The following KCNK2 variants were observed in gnomAD, a reference collection of about 807,000 sequenced individuals.
KCNK2 encodes the protein potassium two pore domain channel subfamily K member 2.
A neutral mutation model predicts 40.5 loss-of-function variants in KCNK2; 21 were observed. That is an observed-to-expected ratio of 0.52 (90% confidence interval 0.37 to 0.75). The LOEUF (loss-of-function observed/expected upper bound fraction) is 0.75. KCNK2 is among the 30% of genes least tolerant of loss of function. The pLI is 0.00. For synonymous variants in KCNK2, 191 were observed against 202.2 expected, an observed-to-expected ratio of 0.94 and a Z score of 0.47; for missense variants, 399 against 531.6, an observed-to-expected ratio of 0.75 and a Z score of 2.45.
rs1042633221 is a variant in KCNK2 at position 215,082,855 on chromosome 1, G to A, written c.-531G>A. 6.6e-6 allele frequency among the ~76,000 whole-genome samples: 1 copy of A among 151,978 alleles called. No individual in the cohort carries two copies. Among genetic ancestry groups the A allele is most frequent in the Admixed American group, 6.5e-5 (1 of 15,276 alleles). Reference sequence around the variant, plus strand: ...CCCGCGGGGCACGGAGGGCATTGCGGGGGGAGACACACAAAGACATGCGAA... The same window carrying A: ...CCCGCGGGGCACGGAGGGCATTGCGAGGGGAGACACACAAAGACATGCGAA... On this transcript the variant is annotated 5_prime_UTR_variant, in exon 1 of 7. Transcript: ENST00000444842.
At chr1:215,190,923 A>G (rs1455813265) in intron 5 of KCNK2, among the ~76,000 whole-genome samples, 1 of 151,956 alleles carries the variant, frequency 6.6e-6, no homozygotes. Context: ...ATCAGTGGAA[A>G]TGAGCATATT....
intron 1 of KCNK2, among the ~76,000 whole-genome samples, chr1:215,045,314 C>T (rs913513125): frequency 2.0e-5 from 3 of 151,980 alleles, no homozygotes; most frequent in African/African-American, 7.2e-5. Flanking sequence ...ATAGAATAAC[C>T]GTTGGTAGTC....
chr1:215,053,780 A>G (rs1202009668), intron 1 of KCNK2, among the ~76,000 whole-genome samples: 2 of 152,248 alleles, frequency 1.3e-5, no homozygotes, highest in Admixed American at 6.5e-5. Context: ...CAGCCTGGCC[A>G]ACATGGCAAA....
intron 6 of KCNK2, among the ~76,000 whole-genome samples, chr1:215,223,742 CT>C (rs1180199960): frequency 6.6e-6 from 1 of 152,144 alleles, no homozygotes; most frequent in African/African-American, 2.4e-5. Flanking sequence ...TGTTCGGACA[CT>C]CATCTTTTGG....
At chr1:215,111,395 C>T (rs1261258662) in intron 2 of KCNK2, among the ~76,000 whole-genome samples, 1 of 152,078 alleles carries the variant, frequency 6.6e-6, no homozygotes. Flanking sequence ...TATATTCATT[C>T]ATTTGATGGT....
chr1:215,024,132 G>T (rs1318194356), intron 1 of KCNK2, among the ~76,000 whole-genome samples: 1 of 152,202 alleles, frequency 6.6e-6, no homozygotes, highest in Admixed American at 6.5e-5. Context: ...CAGGTATAGG[G>T]ATCTGAGTGG....
chr1:215,082,009 T>TCTCCCACCCTGCTG (rs1353069826), upstream of KCNK2: 2 of 152,066 alleles, frequency 1.3e-5, no homozygotes, highest in Non-Finnish European at 2.9e-5. Context: ...GAGTCTGAGT[T>TCTCCCACCCTGCTG]CTCCCACCCT....
intron 6 of KCNK2, among the ~76,000 whole-genome samples, chr1:215,213,333 G>A (rs1167842853): frequency 6.6e-6 from 1 of 152,162 alleles, no homozygotes; most frequent in Non-Finnish European, 1.5e-5. Context: ...CCTGGGCTGG[G>A]CGCAGTGGCT....
chr1:215,073,076 A>G (rs887034978), intron 1 of KCNK2, among the ~76,000 whole-genome samples: 9 of 152,176 alleles, frequency 5.9e-5, no homozygotes, highest in African/African-American at 2.2e-4. Flanking sequence ...CAAAGGGAAA[A>G]GGATGTGAAG....
chr1:215,203,899 G>A (rs1665187406), intron 6 of KCNK2, among the ~76,000 whole-genome samples: 1 of 151,820 alleles, frequency 6.6e-6, no homozygotes, highest in Non-Finnish European at 1.5e-5. Context: ...TTAGCCGGGT[G>A]CGGTGGCGGG....
At chr1:215,231,557 A>T (rs866314417) in intron 6 of KCNK2, among the ~76,000 whole-genome samples, 2 of 152,310 alleles carry the variant, frequency 1.3e-5, no homozygotes, top group African/African-American at 4.8e-5. Context: ...AACTGAGGCT[A>T]AAGACATTAA....
At chr1:215,203,133 A>AG (rs1441000297) in intron 6 of KCNK2, among the ~76,000 whole-genome samples, 1 of 152,150 alleles carries the variant, frequency 6.6e-6, no homozygotes, top group African/African-American at 2.4e-5. Context: ...ACTACAGAGA[A>AG]GGGATTTTTG....
rs148809772 is a variant in KCNK2 at position 215,006,849 on chromosome 1, G to A, written c.34+894G>A. Among the ~76,000 whole-genome samples, 1,378 of 151,092 alleles carry A rather than the reference G, an allele frequency of 9.1e-3. 18 individuals are homozygous for A. The highest frequency in any genetic ancestry group is 0.032 in the African/African-American group (1,300 of 41,146). On this transcript the variant is annotated intron_variant, in intron 1 of 6. Coordinates refer to the KCNK2 transcript ENST00000391895. Reference sequence around the variant, plus strand: ...ATTTAACAAGAACTATATAATAATGGCATTACATTGTGTCACTTTTTTTCC... The same window carrying A: ...ATTTAACAAGAACTATATAATAATGACATTACATTGTGTCACTTTTTTTCC...
Position 215,169,222 on chromosome 1 carries a change from A to ACAGAAGGC in KCNK2, c.500_507dup (p.Gly170GlnfsTer30). ...AGGATTTGGAAACATCTCACCACGC[A>ACAGAAGGC]CAGAAGGCGGCAAAATATTCTGTAT... On this transcript the variant is annotated frameshift_variant, in exon 4 of 7. Coordinates refer to ENST00000444842, the MANE Select transcript of KCNK2 (RefSeq NM_001017425.3). LOFTEE classifies it high-confidence loss of function. 6.2e-7 allele frequency: 1 copy of ACAGAAGGC among 1,610,346 alleles called. No homozygotes were observed. The highest frequency in any genetic ancestry group is 8.5e-7 in the Non-Finnish European group (1 of 1,178,554).
chr1:215,013,804 C>T (rs1267318038), intron 1 of KCNK2, among the ~76,000 whole-genome samples: 1 of 152,096 alleles, frequency 6.6e-6, no homozygotes, highest in Non-Finnish European at 1.5e-5. Flanking sequence ...TTTCTTACTT[C>T]TAGAAGGTTT....
rs1304384577 is a variant in KCNK2, at chr1:215,125,777, T to TAA, written c.475+1030_475+1031dup. 4.3e-3 allele frequency among the ~76,000 whole-genome samples: 182 copies of TAA among 42,418 alleles called. 2 individuals are homozygous for TAA. The highest frequency in any genetic ancestry group is 8.2e-3 in the Non-Finnish European group (131 of 15,882). 27.8% of individuals were successfully genotyped at this position (42,418 alleles called of 152,430 possible). On this transcript the variant is annotated intron_variant, in intron 3 of 6. Transcript: ENST00000444842. Reference sequence around the variant, plus strand: ...ATATATATATATATATATATATATATAAAATAAAATTTGAAAAAAAAAAAA... The same window carrying TAA: ...ATATATATATATATATATATATATATAAAAAATAAAATTTGAAAAAAAAAAAA...
chr1:215,070,137 A>G lies in KCNK2; in HGVS notation c.35-16231A>G, dbSNP rs145547337. Among the ~76,000 whole-genome samples the G allele has an allele frequency of 7.1e-3, 1,087 of 152,226 alleles. 3 individuals carry two copies. The highest frequency in any genetic ancestry group is 0.025 in the African/African-American group (1,041 of 41,554). On this transcript the variant is annotated intron_variant, in intron 1 of 6. Transcript: ENST00000391895. ...TATAGGAAACAGGTTTAGGTTGGGC[A>G]CGGTGGCTCATGCCTGTAATCCCAG...
At chr1:215,063,318 T>C (rs991089589) in intron 1 of KCNK2, among the ~76,000 whole-genome samples, 6 of 152,154 alleles carry the variant, frequency 3.9e-5, no homozygotes, top group Non-Finnish European at 5.9e-5. Flanking sequence ...TGTACTATTG[T>C]CAGAGCTGTA....
intron 1 of KCNK2, among the ~76,000 whole-genome samples, chr1:215,043,713 A>G (rs1246807102): frequency 6.6e-6 from 1 of 152,218 alleles, no homozygotes; most frequent in African/African-American, 2.4e-5. Context: ...CTGTAGATGT[A>G]TGATGGTAGA....
Sources: allele counts gnomAD v4.1 joint callset (sites outside exome capture counted in the v4.1 genomes callset), GRCh38; gene constraint gnomAD v4.1.1; transcripts MANE v1.5; gene names NCBI Gene and HGNC (gene_info 2026-07-23, HGNC 2026-07-21).